The following VPS54 variants were observed in gnomAD, a reference collection of about 807,000 sequenced individuals.
VPS54 encodes vacuolar protein sorting-associated protein 54.
VPS54 carries 45 observed loss-of-function variants against 121.5 expected under a neutral mutation model. The ratio of observed to expected loss-of-function variants is 0.37; its 90% confidence interval spans 0.29 to 0.47. The LOEUF (loss-of-function observed/expected upper bound fraction) is 0.47, where lower values mean the gene tolerates loss of function less well. VPS54 is among the 20% of genes least tolerant of loss of function. VPS54 has a pLI of 0.99. For missense variants in VPS54, 1,090 were observed against 1,131.4 expected, an observed-to-expected ratio of 0.96 and a Z score of 0.52; for synonymous variants, 371 against 385.8, an observed-to-expected ratio of 0.96 and a Z score of 0.45.
Position 63,921,228 on chromosome 2 carries a change from T to G in VPS54, c.1847A>C (p.Lys616Thr). Residue 616 changes from lysine to threonine, a missense_variant, in exon 13 of 23, where the codon AAA becomes ACA. Coordinates refer to ENST00000272322, the MANE Select transcript of VPS54 (RefSeq NM_016516.3). Reference sequence around the variant, plus strand: ...TACCTTTGCTCTTGACATGAGAAATTTGACAGCTCGATCATGGCATATATC... The same window carrying G: ...TACCTTTGCTCTTGACATGAGAAATGTGACAGCTCGATCATGGCATATATC... ...ASDICHDRAV[K>T]FLMSRAKDGF... 1 of 1,608,698 alleles carries G rather than the reference T, an allele frequency of 6.2e-7. No homozygotes were observed. Among genetic ancestry groups the G allele is most frequent in the Non-Finnish European group, 8.5e-7 (1 of 1,176,962 alleles).
chr2:64,011,480 C>A (rs141265058), intron 1 of VPS54, among the ~76,000 whole-genome samples: 1 of 152,044 alleles, frequency 6.6e-6, no homozygotes, highest in Non-Finnish European at 1.5e-5. Flanking sequence ...GCAGAGCAAT[C>A]GCTTGAACAC....
chr2:64,012,554 ATAGAG>A (rs1678477725), intron 1 of VPS54, among the ~76,000 whole-genome samples: 1 of 151,062 alleles, frequency 6.6e-6, no homozygotes, highest in South Asian at 2.1e-4. Flanking sequence ...ACTTTCTGAG[ATAGAG>A]TATAGGTGTC....
intron 1 of VPS54, among the ~76,000 whole-genome samples, chr2:63,994,694 A>G (rs1459251844): frequency 6.6e-6 from 1 of 152,210 alleles, no homozygotes; most frequent in South Asian, 2.1e-4. Flanking sequence ...CTTTAAGACA[A>G]ATGAAAGGGG....
At chr2:63,893,672 T>C in intron 22 of VPS54, 137 bp from the exon 23 acceptor site, 1 of 688,308 alleles carries the variant, frequency 1.5e-6, no homozygotes, top group South Asian at 2.0e-5. Flanking sequence ...AATACTTTAC[T>C]TAGCAGGATT....
At position 63,954,932 on chromosome 2, in the gene VPS54, T is replaced by C. The variant is rs933540558; in HGVS notation, c.1011-5769A>G. ...AAAACACTTGAGACATATCAACCAA[T>C]TGCAATATATAGATATTATTTGGAC... On this transcript the variant is annotated intron_variant, in intron 7 of 22. Coordinates refer to ENST00000272322, the MANE Select transcript of VPS54 (RefSeq NM_016516.3). 4.2e-4 allele frequency among the ~76,000 whole-genome samples: 64 copies of C among 151,994 alleles called. 1 individual carries two copies. The highest frequency in any genetic ancestry group is 2.7e-3 in the Admixed American group (41 of 15,260).
At chr2:63,941,277 TAC>T (rs1388952085) in intron 11 of VPS54, among the ~76,000 whole-genome samples, 4 of 152,138 alleles carry the variant, frequency 2.6e-5, no homozygotes, top group Non-Finnish European at 5.9e-5. Flanking sequence ...CAGGCTGGAG[TAC>T]AGTGGCACAA....
In VPS54 at chr2:64,012,211, TAC is replaced by T. The variant is rs1207953961; in HGVS notation, c.-21+6725_-21+6726del. Among the ~76,000 whole-genome samples, 6 of 152,074 alleles carry T rather than the reference TAC, an allele frequency of 3.9e-5. No homozygotes were observed. In the East Asian group the frequency reaches 1.2e-3, roughly 29 times the overall value. On this transcript the variant is annotated intron_variant, in intron 1 of 22. Transcript: ENST00000272322. ...TCTCTCCTCCCTCATCCACCTTCAATACAGTGTGTCTTTGCTTTTCTCCTGCT... is the reference window on the plus strand; with the variant it reads ...TCTCTCCTCCCTCATCCACCTTCAATAGTGTGTCTTTGCTTTTCTCCTGCT...
intron 12 of VPS54, among the ~76,000 whole-genome samples, chr2:63,926,157 G>A (rs1673891291): frequency 6.6e-6 from 1 of 152,160 alleles, no homozygotes; most frequent in South Asian, 2.1e-4. Flanking sequence ...AAAATGAAAT[G>A]CTAAAAGCCA....
At chr2:64,001,965 T>C (rs1677902711) in intron 1 of VPS54, among the ~76,000 whole-genome samples, 1 of 152,150 alleles carries the variant, frequency 6.6e-6, no homozygotes. Context: ...GCCTTTTATT[T>C]AGGACCCCGG....
At chr2:63,941,704 T>C (rs953555945) in intron 11 of VPS54, among the ~76,000 whole-genome samples, 1 of 152,156 alleles carries the variant, frequency 6.6e-6, no homozygotes, top group Non-Finnish European at 1.5e-5. Context: ...GATGCTTGAT[T>C]GGATTCGTGC....
At chr2:63,909,697 C>T (rs1332798131) in intron 20 of VPS54, among the ~76,000 whole-genome samples, 1 of 146,370 alleles carries the variant, frequency 6.8e-6, no homozygotes. Flanking sequence ...GGATTATAGA[C>T]GTAAGCGACC....
At chr2:64,001,865 A>T (rs1052446366) in intron 1 of VPS54, among the ~76,000 whole-genome samples, 4 of 152,076 alleles carry the variant, frequency 2.6e-5, no homozygotes, top group Non-Finnish European at 5.9e-5. Flanking sequence ...TAGGTGTTCC[A>T]ATTGATGTCT....
chr2:63,934,410 CTT>C (rs1334625222), intron 11 of VPS54, among the ~76,000 whole-genome samples: 1 of 152,178 alleles, frequency 6.6e-6, no homozygotes, highest in Non-Finnish European at 1.5e-5. Flanking sequence ...CCCTACCTCT[CTT>C]TCTCCTTTTC....
rs1466975870 is a variant in VPS54, at chr2:64,019,117, G to T, written c.-200C>A. ...TGGCCAGTCGGCCCGGGGAGCACAG[G>T]GCCGCCCTCTCGAGCCCAGCTTCAC... On this transcript the variant is annotated 5_prime_UTR_variant, in exon 1 of 23. Transcript: ENST00000272322. The T allele has an allele frequency of 1.3e-5, 2 of 151,168 alleles. No homozygotes were observed. Among genetic ancestry groups the T allele is most frequent in the Non-Finnish European group, 3.0e-5 (2 of 67,660 alleles). The allele number at this position is 151,168 out of a possible 1,614,324, so 9.4% of individuals were successfully genotyped here.
At chr2:63,920,075 G>A in intron 14 of VPS54, 80 bp from the exon 15 acceptor site, 7 of 1,192,620 alleles carry the variant, frequency 5.9e-6, no homozygotes, top group East Asian at 2.5e-5. Flanking sequence ...AAAGGAAGAA[G>A]AGCTGAGTGA....
chr2:63,975,644 G>A (rs1676489933), intron 3 of VPS54: 1 of 152,206 alleles, frequency 6.6e-6, no homozygotes, highest in Non-Finnish European at 1.5e-5. Context: ...TATCATCGCT[G>A]ACCTGACCAA....
intron 7 of VPS54, among the ~76,000 whole-genome samples, chr2:63,956,272 T>C (rs1021130831): frequency 6.6e-6 from 1 of 152,186 alleles, no homozygotes; most frequent in Non-Finnish European, 1.5e-5. Flanking sequence ...TAAATACCTT[T>C]TGATACATCC....
chr2:63,902,255 T>C (rs1672711037), intron 20 of VPS54, among the ~76,000 whole-genome samples: 2 of 152,092 alleles, frequency 1.3e-5, no homozygotes, highest in South Asian at 4.2e-4. Flanking sequence ...AGTGGAGATG[T>C]ACAGAGATGA....
chr2:63,895,999 C>CT (rs1286698792), intron 22 of VPS54, among the ~76,000 whole-genome samples: 2 of 152,116 alleles, frequency 1.3e-5, no homozygotes, highest in African/African-American at 4.8e-5. Flanking sequence ...ATATTATTAG[C>CT]TTTTTTTGAA....
Sources: gnomAD v4.1 joint callset for allele counts (sites outside exome capture counted in the v4.1 genomes callset) on GRCh38, gnomAD v4.1.1 for gene constraint, MANE v1.5 for transcripts, NCBI Gene and HGNC (gene_info 2026-07-23, HGNC 2026-07-21) for gene names.